Variants in CACNA2D3 observed in about 807,000 individuals in gnomAD.
The protein encoded by CACNA2D3 is voltage-dependent calcium channel subunit alpha-2/delta-3.
A neutral mutation model predicts 160.6 loss-of-function variants in CACNA2D3; 60 were observed. That is an observed-to-expected ratio of 0.37 (90% CI 0.30 to 0.46). The LOEUF (loss-of-function observed/expected upper bound fraction) is 0.46, where lower values mean the gene tolerates loss of function less well. CACNA2D3 is among the 20% of genes least tolerant of loss of function. CACNA2D3 has a pLI of 1.00. For synonymous variants in CACNA2D3, 558 were observed against 492.9 expected, an observed-to-expected ratio of 1.13 and a Z score of -1.75; for missense variants, 1,205 against 1,365.0, an observed-to-expected ratio of 0.88 and a Z score of 1.85.
chr3:55,038,542 G>A (rs906011823), intron 35 of CACNA2D3, among the ~76,000 whole-genome samples: 2 of 151,952 alleles, frequency 1.3e-5, no homozygotes, highest in African/African-American at 2.4e-5. Flanking sequence ...TGTGGTATAC[G>A]CACATATTAA....
At chr3:54,257,322 C>T (rs1231465873) in intron 2 of CACNA2D3, among the ~76,000 whole-genome samples, 3 of 152,230 alleles carry the variant, frequency 2.0e-5, no homozygotes, top group African/African-American at 7.2e-5. Flanking sequence ...TTCAAATCAA[C>T]TTACTATTGA....
chr3:54,389,289 T>C (rs1185901699), intron 4 of CACNA2D3, among the ~76,000 whole-genome samples: 2 of 136,104 alleles, frequency 1.5e-5, no homozygotes, highest in African/African-American at 5.7e-5. Context: ...AGAGCGAAAC[T>C]CCGTCTTAAA....
At chr3:54,736,200 C>T (rs575429003) in intron 11 of CACNA2D3, among the ~76,000 whole-genome samples, 2 of 148,144 alleles carry the variant, frequency 1.4e-5, no homozygotes, top group African/African-American at 5.0e-5. Flanking sequence ...GTATATGGGG[C>T]ATTTTGTAAC....
In CACNA2D3 at chr3:54,850,534, G is replaced by A. The variant is rs142054409; in HGVS notation, c.1626+4067G>A. ...TTCTTAGAATGTGGAGCCCTGAATA[G>A]ATCTCCTTTTCTTTTGCCCAACAGC... On this transcript the variant is annotated intron_variant, in intron 17 of 37. Coordinates refer to ENST00000474759, the MANE Select transcript of CACNA2D3 (RefSeq NM_018398.3). Among the ~76,000 whole-genome samples, 443 of 152,262 alleles carry A rather than the reference G, an allele frequency of 2.9e-3. 4 individuals are homozygous for A. The highest frequency in any genetic ancestry group is 0.01 in the African/African-American group (418 of 41,560).
chr3:54,890,693 G>A (rs1252504814), intron 24 of CACNA2D3, among the ~76,000 whole-genome samples: 2 of 152,226 alleles, frequency 1.3e-5, no homozygotes, highest in African/African-American at 4.8e-5. Flanking sequence ...TGCCAAGGCC[G>A]TTCTTAGAGT....
At chr3:54,296,578 G>A (rs974492761) in intron 2 of CACNA2D3, among the ~76,000 whole-genome samples, 11 of 152,142 alleles carry the variant, frequency 7.2e-5, no homozygotes, top group African/African-American at 2.7e-4. Context: ...TTTTCCAATT[G>A]CTCACATTAT....
At chr3:54,514,328 G>A (rs1284152929) in intron 5 of CACNA2D3, among the ~76,000 whole-genome samples, 1 of 152,150 alleles carries the variant, frequency 6.6e-6, no homozygotes, top group Non-Finnish European at 1.5e-5. Flanking sequence ...AATGCAAAAA[G>A]GCTCTTCTCC....
chr3:54,293,573 A>G (rs1287683093), intron 2 of CACNA2D3, among the ~76,000 whole-genome samples: 1 of 151,650 alleles, frequency 6.6e-6, no homozygotes, highest in Non-Finnish European at 1.5e-5. Context: ...TTATATATAT[A>G]TATATCAATA....
chr3:54,417,365 A>G (rs1035170687), intron 4 of CACNA2D3, among the ~76,000 whole-genome samples: 1 of 152,220 alleles, frequency 6.6e-6, no homozygotes, highest in African/African-American at 2.4e-5. Context: ...TTTCTTTAGT[A>G]GCCAGAGATT....
chr3:54,837,859 C>G (rs1353080822), intron 15 of CACNA2D3, among the ~76,000 whole-genome samples: 1 of 152,084 alleles, frequency 6.6e-6, no homozygotes, highest in Non-Finnish European at 1.5e-5. Flanking sequence ...GCTAAATCCA[C>G]GATGATTTCA....
chr3:54,615,313 C>T (rs1698826941), intron 9 of CACNA2D3, among the ~76,000 whole-genome samples: 1 of 152,024 alleles, frequency 6.6e-6, no homozygotes, highest in Non-Finnish European at 1.5e-5. Flanking sequence ...TAAGTAAATA[C>T]CAAATAAATA....
chr3:54,225,651 T>C (rs1701657071), intron 2 of CACNA2D3, among the ~76,000 whole-genome samples: 1 of 152,246 alleles, frequency 6.6e-6, no homozygotes, highest in Admixed American at 6.5e-5. Context: ...TTGGTTTTTC[T>C]TACAGACAAC....
At chr3:54,162,899 A>T (rs1559867900) in intron 2 of CACNA2D3, among the ~76,000 whole-genome samples, 1 of 152,230 alleles carries the variant, frequency 6.6e-6, no homozygotes, top group Non-Finnish European at 1.5e-5. Context: ...AGTAAGTGGT[A>T]TGAAGAACAA....
intron 27 of CACNA2D3, among the ~76,000 whole-genome samples, chr3:54,930,710 G>A (rs2106955172): frequency 6.6e-6 from 1 of 152,340 alleles, no homozygotes; most frequent in South Asian, 2.1e-4. Context: ...CATTCTATCT[G>A]TAGAATGTAG....
At chr3:54,758,882 C>A (rs565594282) in intron 12 of CACNA2D3, among the ~76,000 whole-genome samples, 1 of 152,160 alleles carries the variant, frequency 6.6e-6, no homozygotes, top group Non-Finnish European at 1.5e-5. Flanking sequence ...GAGGACCTCA[C>A]TATTTGAGGT....
At chr3:54,176,950 T>C (rs549651679) in intron 2 of CACNA2D3, among the ~76,000 whole-genome samples, 1 of 152,278 alleles carries the variant, frequency 6.6e-6, no homozygotes, top group East Asian at 1.9e-4. Flanking sequence ...GTTTCCAGTA[T>C]AGCCCCATCC....
At chr3:54,220,146 T>C (rs573173302) in intron 2 of CACNA2D3, among the ~76,000 whole-genome samples, 1 of 152,202 alleles carries the variant, frequency 6.6e-6, no homozygotes, top group Non-Finnish European at 1.5e-5. Context: ...TTTATGTCAA[T>C]AATTGGTTAA....
chr3:54,550,543 T>C (rs930538424), intron 5 of CACNA2D3, among the ~76,000 whole-genome samples: 2 of 152,366 alleles, frequency 1.3e-5, no homozygotes, highest in African/African-American at 4.8e-5. Flanking sequence ...GATACAGTTC[T>C]GTCTATTGGA....
At chr3:54,891,118 A>G (rs1203293929) in intron 24 of CACNA2D3, among the ~76,000 whole-genome samples, 1 of 148,712 alleles carries the variant, frequency 6.7e-6, no homozygotes, top group Non-Finnish European at 1.5e-5. Flanking sequence ...GAAGTTCTTC[A>G]TTTTTCCTGC....
Sources: gnomAD v4.1 joint callset for allele counts (sites outside exome capture counted in the v4.1 genomes callset) on GRCh38, gnomAD v4.1.1 for gene constraint, MANE v1.5 for transcripts, NCBI Gene and HGNC (gene_info 2026-07-23, HGNC 2026-07-21) for gene names.